The following CACNA1S variants were observed in gnomAD, a reference collection of about 807,000 sequenced individuals.
CACNA1S encodes voltage-dependent L-type calcium channel subunit alpha-1S.
A neutral mutation model predicts 207.4 loss-of-function variants in CACNA1S; 126 were observed. That is an observed-to-expected ratio of 0.61 (90% CI 0.53 to 0.70). The LOEUF is 0.70. CACNA1S is among the 30% of genes least tolerant of loss of function. The probability of loss-of-function intolerance (pLI) is 0.00; values close to 1 mark genes in which losing one functional copy is unlikely to be tolerated. For missense variants in CACNA1S, 2,349 were observed against 2,422.8 expected, an observed-to-expected ratio of 0.97 and a Z score of 0.64; for synonymous variants, 960 against 932.7, an observed-to-expected ratio of 1.03 and a Z score of -0.53.
chr1:201,078,225 TG>T, intron 10 of CACNA1S, 121 bp from the exon 11 acceptor site: 2 of 819,996 alleles, frequency 2.4e-6, no homozygotes, highest in Non-Finnish European at 4.2e-6. Context: ...GCACCATGGA[TG>T]TTTTTTGGGG....
At position 201,053,298 on chromosome 1, in the gene CACNA1S, G is replaced by C. The variant is rs769897834; in HGVS notation, c.3796-24C>G. ...GCCTGCAGGGCGGGCGGGAGCGCCA[G>C]TCAGTGTCTTAGGGCTCCACTGTGT... On this transcript the variant is annotated intron_variant, in intron 30 of 43. Coordinates refer to ENST00000362061, the MANE Select transcript of CACNA1S (RefSeq NM_000069.3). The surrounding 1 kb of genome is among the most constrained non-coding windows in gnomAD (Gnocchi z 5.1). The C allele has an allele frequency of 6.2e-7, 1 of 1,612,760 alleles. No individual in the cohort carries two copies. Among genetic ancestry groups the C allele is most frequent in the South Asian group, 1.1e-5 (1 of 91,034 alleles).
rs775624615 is a variant in CACNA1S, at chr1:201,112,283, T to G, written c.57A>C (p.Pro19=). 2.5e-6 allele frequency: 4 copies of G among 1,613,954 alleles called. No individual in the cohort carries two copies. Among genetic ancestry groups the G allele is most frequent in the Non-Finnish European group, 3.4e-6 (4 of 1,179,940 alleles). ...GTGGCCTTGGCAGAATCTCAGGAAC[T>G]GGCTTCTTGGGCTGTTTCTTCCTCA... The part of the protein sequence containing the change: ...EGLRKKQPKK[P]VPEILPRPPR... The change falls in exon 1 of 44, where the codon CCA becomes CCC. Residue 19 remains proline (P), a synonymous_variant. Coordinates refer to ENST00000362061, the MANE Select transcript of CACNA1S (RefSeq NM_000069.3).
intron 22 of CACNA1S, among the ~76,000 whole-genome samples, chr1:201,063,728 G>A (rs755776886): frequency 3.3e-4 from 51 of 152,294 alleles, no homozygotes; most frequent in Non-Finnish European, 5.6e-4. Flanking sequence ...CTTGCCCCCC[G>A]CTGCCCCTGC....
chr1:201,041,595 A>G lies in CACNA1S; in HGVS notation c.5049-6T>C, dbSNP rs372192645. On this transcript the variant is annotated splice_polypyrimidine_tract_variant and splice_region_variant and intron_variant, in intron 40 of 43. Transcript: ENST00000362061. ...ACTCCCTTTCATAGTGGACACTGAA[A>G]TGGAAGCAAGGCTGGGTGAACCAGA... is the stretch of plus-strand genomic sequence containing the variant. The G allele has an allele frequency of 6.8e-6, 11 of 1,609,200 alleles. No homozygotes were observed. In the African/African-American group the frequency reaches 1.5e-4, roughly 22 times the overall value.
In CACNA1S at chr1:201,092,198, T is replaced by C. The variant is rs1433813943; in HGVS notation, c.399-84A>G. 5 of 1,519,214 alleles carry C rather than the reference T, an allele frequency of 3.3e-6. No individual in the cohort carries two copies. In the African/African-American group the frequency reaches 6.9e-5, roughly 21 times the overall value. The allele number at this position is 1,519,214 out of a possible 1,614,324, so 94.1% of individuals were successfully genotyped here. ...GGTCTGAGGCCCTGTGTCCTGTCCA[T>C]GCTTGAGCACCTGTGGAAAGGCCTA... is the stretch of plus-strand genomic sequence containing the variant. On this transcript the variant is annotated intron_variant, in intron 3 of 43. Transcript: ENST00000362061.
intron 2 of CACNA1S, among the ~76,000 whole-genome samples, chr1:201,095,859 A>G (rs1388757469): frequency 2.0e-5 from 3 of 152,136 alleles, no homozygotes; most frequent in Non-Finnish European, 4.4e-5. Context: ...TGGAGCAACT[A>G]TGGAGGGATC....
intron 28 of CACNA1S, among the ~76,000 whole-genome samples, chr1:201,057,395 A>G (rs953701785): frequency 6.6e-6 from 1 of 152,082 alleles, no homozygotes; most frequent in Non-Finnish European, 1.5e-5. Context: ...CCACCCTCCC[A>G]TTCTCTTCCA....
At chr1:201,101,131 A>C (rs755922965) in intron 2 of CACNA1S, among the ~76,000 whole-genome samples, 2 of 152,214 alleles carry the variant, frequency 1.3e-5, no homozygotes, top group African/African-American at 2.4e-5. Flanking sequence ...ATTTCTCCAC[A>C]AAGCCAGATA....
intron 35 of CACNA1S, 139 bp downstream of exon 35, chr1:201,048,864 A>T: frequency 1.2e-6 from 1 of 840,944 alleles, no homozygotes; most frequent in Non-Finnish European, 2.0e-6. Flanking sequence ...CTGAGACTTC[A>T]GGCCCTTTGG....
Position 201,062,046 on chromosome 1 carries a change from T to C in CACNA1S, c.2951A>G (p.Glu984Gly). 1 of 1,614,114 alleles carries C rather than the reference T, an allele frequency of 6.2e-7. No homozygotes were observed. Among genetic ancestry groups the C allele is most frequent in the Non-Finnish European group, 8.5e-7 (1 of 1,179,986 alleles). Residue 984 changes from glutamate (E) to glycine (G), a missense_variant, in exon 24 of 44, where the codon GAG becomes GGG. Glu to Gly is a moderately conservative substitution (Grantham distance 98). Transcript: ENST00000362061. Reference sequence around the variant, plus strand: ...GTGTACCCACTCGCGGTGACGCAGCTCTATCTGCATGGGGTCCCCGTCCTT... The same window carrying C: ...GTGTACCCACTCGCGGTGACGCAGCCCTATCTGCATGGGGTCCCCGTCCTT... ...VYKDGDPMQI[E>G]LRHREWVHSD...
intron 2 of CACNA1S, among the ~76,000 whole-genome samples, chr1:201,099,141 T>C (rs931628709): frequency 6.6e-6 from 1 of 152,216 alleles, no homozygotes; most frequent in Non-Finnish European, 1.5e-5. Context: ...GCATGGGGCT[T>C]TGTGGGAAGA....
chr1:201,107,141 A>G (rs1662923760), intron 2 of CACNA1S, among the ~76,000 whole-genome samples: 1 of 152,248 alleles, frequency 6.6e-6, no homozygotes. Flanking sequence ...GTCCCAATGG[A>G]CTTCACTTAC....
At chr1:201,071,257 T>G (rs1466126917) in intron 16 of CACNA1S, among the ~76,000 whole-genome samples, 1 of 152,120 alleles carries the variant, frequency 6.6e-6, no homozygotes, top group South Asian at 2.1e-4. Flanking sequence ...ACTGTCTCCA[T>G]CATGGCCACC....
intron 28 of CACNA1S, among the ~76,000 whole-genome samples, chr1:201,055,786 C>T (rs904013968): frequency 6.6e-6 from 1 of 152,186 alleles, no homozygotes; most frequent in Non-Finnish European, 1.5e-5. Flanking sequence ...TGGTAAGGGA[C>T]ATCTGCTAAA....
In CACNA1S at chr1:201,085,087, C is replaced by A. The variant is rs918220342; in HGVS notation, c.1151-56G>T. The A allele has an allele frequency of 4.8e-6, 6 of 1,261,044 alleles. No individual in the cohort carries two copies. In the African/African-American group the frequency reaches 7.3e-5, roughly 15 times the overall value. 78.1% of individuals were successfully genotyped at this position (1,261,044 alleles called of 1,614,324 possible). A position where few individuals can be genotyped will look rare whatever the true frequency, so the allele number is the denominator to read the frequency against. ...CTTCGGGGCCCCTCTGGGCTGGACACACCTGGACTGGGCACCCGAGACAAG... is the reference window on the plus strand; with the variant it reads ...CTTCGGGGCCCCTCTGGGCTGGACAAACCTGGACTGGGCACCCGAGACAAG... On this transcript the variant is annotated intron_variant, in intron 8 of 43. Transcript: ENST00000362061.
At chr1:201,085,716 G>T (rs367770064) in intron 7 of CACNA1S, 135 bp from the exon 8 acceptor site, 3 of 967,016 alleles carry the variant, frequency 3.1e-6, no homozygotes, top group African/African-American at 3.3e-5. Context: ...TGTTGCCTGG[G>T]GTCCAGGTGC....
At chr1:201,091,014 G>A (rs988128094) in intron 5 of CACNA1S, among the ~76,000 whole-genome samples, 3 of 151,900 alleles carry the variant, frequency 2.0e-5, no homozygotes, top group Admixed American at 1.3e-4. Flanking sequence ...CATGTTCCTC[G>A]GTTTTCATTT....
intron 7 of CACNA1S, among the ~76,000 whole-genome samples, chr1:201,087,102 AG>A (rs1558077832): frequency 1.3e-5 from 2 of 152,288 alleles, no homozygotes; most frequent in African/African-American, 4.8e-5. Context: ...GGGTGGGTGG[AG>A]GGATGACAGC....
At chr1:201,050,343 G>A (rs750725024) in intron 34 of CACNA1S, 46 bp downstream of exon 34, 1 of 1,608,770 alleles carries the variant, frequency 6.2e-7, no homozygotes, top group Non-Finnish European at 8.5e-7. Flanking sequence ...CGGTAGGAAG[G>A]GTCTAGGATG....
Sources: gnomAD v4.1 joint callset for allele counts (sites outside exome capture counted in the v4.1 genomes callset) on GRCh38, gnomAD v4.1.1 for gene constraint, Gnocchi (gnomAD v3.1) non-coding constraint, MANE v1.5 for transcripts, NCBI Gene and HGNC (gene_info 2026-07-23, HGNC 2026-07-21) for gene names.